The following CDK11B variants were observed in gnomAD, a reference collection of about 807,000 sequenced individuals.
CDK11B encodes the protein cyclin-dependent kinase 11B.
In CDK11B, 37 loss-of-function variants were observed where a neutral mutation model predicts 84.0. That is an observed-to-expected ratio of 0.44 (90% confidence interval 0.34 to 0.58). The LOEUF is 0.58. Ranked by LOEUF, CDK11B falls within the 20% of genes least tolerant of loss-of-function variation. The pLI, the probability that CDK11B is intolerant of heterozygous loss-of-function variation, is 0.02. For synonymous variants in CDK11B, 269 were observed against 309.8 expected (o/e 0.87, Z 1.38); for missense variants, 427 against 834.0 (o/e 0.51, Z 6.01).
rs764354479 is a variant in CDK11B, at chr1:1,637,183, C to A, written c.1590G>T (p.Met530Ile). ...GTTTCACCCCACGCAGCAGCTGGAT[C>A]ATCAGGGTCTTCACCTCCCCTGGGA... ...PFLPGEVKTL[M>I]IQLLRGVKHL... Residue 530 changes from methionine (M) to isoleucine (I), a missense_variant, in exon 15 of 20, where the codon ATG becomes ATT. This residue lies in a region of CDK11B where 19 missense variants were observed against 22.5 expected (regional missense o/e 0.85). Coordinates refer to ENST00000341832, the MANE Select transcript of CDK11B (RefSeq NM_033486.3). 2 of 1,613,398 alleles carry A rather than the reference C, an allele frequency of 1.2e-6. No homozygotes were observed. The highest frequency in any genetic ancestry group is 1.7e-6 in the Non-Finnish European group (2 of 1,179,850).
At chr1:1,654,064 A>G in intron 3 of CDK11B, 1 of 433,720 alleles carries the variant, frequency 2.3e-6, no homozygotes, top group South Asian at 1.7e-5. Context: ...GTCATTTAAC[A>G]GTATCTTCAG....
intron 4 of CDK11B, among the ~76,000 whole-genome samples, chr1:1,650,545 T>C (rs1641867208): frequency 6.6e-6 from 1 of 151,240 alleles, no homozygotes; most frequent in Non-Finnish European, 1.5e-5. Flanking sequence ...TTTTGTCTTT[T>C]TAGTAGAGAC....
Position 1,636,786 on chromosome 1 carries a change from C to A in CDK11B, c.1813G>T (p.Ala605Ser), listed in dbSNP as rs773696333. The A allele has an allele frequency of 6.2e-7, 1 of 1,613,882 alleles. No individual in the cohort carries two copies. The highest frequency in any genetic ancestry group is 1.3e-5 in the African/African-American group (1 of 75,030). ...LLLGAKEYST[A>S]VDMWSVGCIF... Reference sequence around the variant, plus strand: ...CAACCCACTGACCACATGTCCACGGCCGTGGAGTATTCCTAAGAGGTCAGG... The same window carrying A: ...CAACCCACTGACCACATGTCCACGGACGTGGAGTATTCCTAAGAGGTCAGG... Residue 605 changes from alanine (A) to serine (S), a missense_variant, in exon 17 of 20, where the codon GCC becomes TCC. By Grantham distance (99) the Ala-to-Ser change is moderately conservative. Around this residue, in one of 12 missense-constraint regions of CDK11B, gnomAD observed 170 missense variants for 196.0 expected, o/e 0.87. Transcript: ENST00000341832.
chr1:1,652,220 A>C, intron 4 of CDK11B, among the ~76,000 whole-genome samples: 2 of 152,002 alleles, frequency 1.3e-5, no homozygotes, highest in South Asian at 4.1e-4. Flanking sequence ...GCTTTCAGCT[A>C]GAGTTTGCTC....
chr1:1,640,218 C>T (rs1364204570), intron 11 of CDK11B, 59 bp downstream of exon 11: 14 of 1,595,120 alleles, frequency 8.8e-6, no homozygotes, highest in Non-Finnish European at 1.1e-5. Flanking sequence ...TCGCTCAGCC[C>T]CTGTGGTAAC....
intron 4 of CDK11B, among the ~76,000 whole-genome samples, chr1:1,649,955 A>C (rs1641686569): frequency 1.1e-5 from 1 of 91,330 alleles, no homozygotes. Context: ...CAGCCTGGGC[A>C]AAAAAAAAAA....
chr1:1,639,181 G>A (rs549952401), intron 11 of CDK11B, among the ~76,000 whole-genome samples: 2 of 151,504 alleles, frequency 1.3e-5, no homozygotes, highest in Non-Finnish European at 1.5e-5. Context: ...CCTCTGATCC[G>A]CCCACCGCCT....
chr1:1,639,605 C>T (rs1019083927), intron 11 of CDK11B, among the ~76,000 whole-genome samples: 1 of 151,828 alleles, frequency 6.6e-6, no homozygotes, highest in Non-Finnish European at 1.5e-5. Context: ...TGGCCTGTGG[C>T]CCGACGCCTA....
intron 4 of CDK11B, among the ~76,000 whole-genome samples, chr1:1,651,560 G>T (rs1355833134): frequency 6.6e-6 from 1 of 151,156 alleles, no homozygotes; most frequent in South Asian, 2.1e-4. Flanking sequence ...TGTGACACAC[G>T]CATGCTTTCA....
At chr1:1,644,862 G>T (rs1023130637) in intron 6 of CDK11B, among the ~76,000 whole-genome samples, 3 of 149,668 alleles carry the variant, frequency 2.0e-5, no homozygotes, top group African/African-American at 7.6e-5. Context: ...ACATGGTGGC[G>T]GGTGCCTGTA....
chr1:1,641,391 C>A (rs1348155233), intron 9 of CDK11B, among the ~76,000 whole-genome samples: 3 of 148,046 alleles, frequency 2.0e-5, no homozygotes, highest in African/African-American at 7.3e-5. Context: ...CACCTGTACT[C>A]CCAGCTACTT....
rs1479266212 is a variant in CDK11B at position 1,635,414 on chromosome 1, G to A, written c.*350C>T. The A allele has an allele frequency of 1.7e-5, 1 of 57,816 alleles. No homozygotes were observed. The highest frequency in any genetic ancestry group is 2.9e-5 in the Non-Finnish European group (1 of 34,144). The allele number at this position is 57,816 out of a possible 1,614,324, so 3.6% of individuals were successfully genotyped here. On this transcript the variant is annotated 3_prime_UTR_variant, in exon 20 of 20. Coordinates refer to ENST00000341832, the MANE Select transcript of CDK11B (RefSeq NM_033486.3). ...AACACAGAAACAGGTCTCCAGCTCC[G>A]AAGATTAAACAATCCACCCGGCTCC...
At chr1:1,655,237 G>T in intron 3 of CDK11B, 132 bp downstream of exon 3, 1 of 1,156,882 alleles carries the variant, frequency 8.6e-7, no homozygotes, top group Non-Finnish European at 1.2e-6. Flanking sequence ...GTTACGCTAT[G>T]TCACAGTAAC....
In CDK11B at chr1:1,639,236, C is replaced by T. The variant is rs905045974; in HGVS notation, c.1252-646G>A. ...GATTACAGGTGTGAGCCACTGTGCC[C>T]GGTCAAAACTCCTTTCTACAAAATA... On this transcript the variant is annotated intron_variant, in intron 11 of 19. Transcript: ENST00000341832. 6.6e-5 allele frequency among the ~76,000 whole-genome samples: 10 copies of T among 151,710 alleles called. 1 individual carries two copies. The highest frequency in any genetic ancestry group is 1.9e-4 in the East Asian group (1 of 5,198).
At chr1:1,646,004 G>C (rs555522224) in intron 5 of CDK11B, 1 of 484,146 alleles carries the variant, frequency 2.1e-6, no homozygotes, top group African/African-American at 2.0e-5. Context: ...ACACCCAGGT[G>C]ATTTTTGTAG....
chr1:1,650,072 C>T (rs1220013254), intron 4 of CDK11B, among the ~76,000 whole-genome samples: 2 of 150,716 alleles, frequency 1.3e-5, no homozygotes, highest in Non-Finnish European at 1.5e-5. Context: ...AGATCGGGAC[C>T]ATCCTGGCTA....
intron 5 of CDK11B, among the ~76,000 whole-genome samples, chr1:1,647,251 G>T (rs1451405130): frequency 6.6e-6 from 1 of 152,254 alleles, no homozygotes; most frequent in African/African-American, 2.4e-5. Flanking sequence ...CACTCAGACA[G>T]TTTTTACTGA....
In CDK11B at chr1:1,654,662, C is replaced by CT. The variant is rs35072492; in HGVS notation, c.227+706dup. ...TTATTTGTGCAAAATCTTTTTTTTC[C>CT]TTTTTTTTTTTTTAGAGGCGGGGTC... On this transcript the variant is annotated intron_variant, in intron 3 of 19. Coordinates refer to ENST00000341832, the MANE Select transcript of CDK11B (RefSeq NM_033486.3). Among the ~76,000 whole-genome samples the CT allele has an allele frequency of 1.4e-3, 208 of 143,780 alleles. 1 individual carries two copies. The highest frequency in any genetic ancestry group is 4.0e-3 in the African/African-American group (154 of 38,796). The allele number at this position is 143,780 out of a possible 152,430, so 94.3% of individuals were successfully genotyped here.
intron 4 of CDK11B, among the ~76,000 whole-genome samples, chr1:1,650,142 C>A (rs1371315457): frequency 1.4e-5 from 2 of 147,730 alleles, no homozygotes; most frequent in African/African-American, 2.5e-5. Flanking sequence ...TGGTGGCGGG[C>A]ACCTGTAGTC....
Sources: allele counts gnomAD v4.1 joint callset (sites outside exome capture counted in the v4.1 genomes callset), GRCh38; gene constraint gnomAD v4.1.1; regional missense constraint gnomAD v4.1.1; transcripts MANE v1.5; gene names NCBI Gene and HGNC (gene_info 2026-07-23, HGNC 2026-07-21).